CLVS1: variants seen among roughly 807,000 people sequenced by gnomAD.
The protein encoded by CLVS1 is clavesin-1.
CLVS1 carries 10 observed loss-of-function variants against 33.1 expected under a neutral mutation model. The ratio of observed to expected loss-of-function variants is 0.30; its 90% CI spans 0.19 to 0.51. CLVS1 has a LOEUF of 0.51. Ranked by LOEUF, CLVS1 falls within the 20% of genes least tolerant of loss-of-function variation. CLVS1 has a pLI of 0.97. For missense variants in CLVS1, 343 were observed against 433.4 expected (o/e 0.79, Z 1.85); for synonymous variants, 163 against 166.1 (o/e 0.98, Z 0.14).
At chr8:61,381,975 G>A (rs775542213) in intron 3 of CLVS1, among the ~76,000 whole-genome samples, 9 of 152,114 alleles carry the variant, frequency 5.9e-5, no homozygotes, top group Non-Finnish European at 1.2e-4. Flanking sequence ...TTGCTGGGTT[G>A]AATGGTAATT....
At chr8:61,485,693 T>C (rs1242283993) in intron 5 of CLVS1, among the ~76,000 whole-genome samples, 2 of 152,142 alleles carry the variant, frequency 1.3e-5, no homozygotes, top group Non-Finnish European at 2.9e-5. Context: ...TTAGAACCAA[T>C]CCAAATGTCC....
chr8:61,493,532 G>A (rs1459134120), intron 5 of CLVS1, among the ~76,000 whole-genome samples: 4 of 152,122 alleles, frequency 2.6e-5, no homozygotes, highest in Non-Finnish European at 4.4e-5. Flanking sequence ...TGAGGAGGCC[G>A]AATTCACCCA....
chr8:61,021,524 T>C, the CLVS1 span, among the ~76,000 whole-genome samples: 2 of 151,708 alleles, frequency 1.3e-5, no homozygotes, highest in African/African-American at 4.8e-5. Flanking sequence ...CTAATTTTTT[T>C]TTTTTTTTTG....
At chr8:61,256,625 C>A (rs1396797056) in intron 2 of CLVS1, among the ~76,000 whole-genome samples, 1 of 148,750 alleles carries the variant, frequency 6.7e-6, no homozygotes, top group Admixed American at 6.7e-5. Context: ...TAAAAACTAA[C>A]CTACTCTTTA....
At chr8:61,033,047 A>AGG in the CLVS1 span, among the ~76,000 whole-genome samples, 212 of 77,850 alleles carry the variant, frequency 2.7e-3, 3 homozygotes, top group African/African-American at 9.0e-3. Context: ...GAAAGAAAGA[A>AGG]AAAGAAAGAA....
intron 2 of CLVS1, among the ~76,000 whole-genome samples, chr8:61,226,138 A>T (rs1032037752): frequency 4.6e-5 from 7 of 152,246 alleles, no homozygotes; most frequent in Admixed American, 2.6e-4. Context: ...TACAGTGAAC[A>T]TAATCATTGT....
chr8:61,391,646 G>A (rs1467812276), intron 3 of CLVS1, among the ~76,000 whole-genome samples: 2 of 152,224 alleles, frequency 1.3e-5, no homozygotes, highest in East Asian at 3.8e-4. Flanking sequence ...CAGCTCAACT[G>A]AAATGTCATT....
At chr8:61,062,189 G>T (rs541974236) in intron 1 of CLVS1, among the ~76,000 whole-genome samples, 1 of 152,170 alleles carries the variant, frequency 6.6e-6, no homozygotes, top group African/African-American at 2.4e-5. Flanking sequence ...TAATGTGACT[G>T]CATGAAAATC....
chr8:61,082,470 C>T (rs776950303), intron 1 of CLVS1, among the ~76,000 whole-genome samples: 3 of 151,200 alleles, frequency 2.0e-5, no homozygotes, highest in Non-Finnish European at 4.4e-5. Flanking sequence ...AGGAAAAATA[C>T]CAAAACAAAG....
rs934317174 is a variant in CLVS1 at position 61,389,585 on chromosome 8, C to T, written c.630+12806C>T. 5.9e-5 allele frequency among the ~76,000 whole-genome samples: 9 copies of T among 151,872 alleles called. No individual in the cohort carries two copies. In the South Asian group the frequency reaches 8.3e-4, roughly 14 times the overall value. ...ACAGCTGACAGCCAGGGAAGAAACA[C>T]GAATAACATAAAATTTTGCAACTGA... On this transcript the variant is annotated intron_variant, in intron 3 of 5. Transcript: ENST00000325897.
At chr8:61,203,687 C>T (rs1807785426) in intron 2 of CLVS1, among the ~76,000 whole-genome samples, 1 of 152,182 alleles carries the variant, frequency 6.6e-6, no homozygotes, top group Admixed American at 6.5e-5. Context: ...GTCAAGCTCA[C>T]ATGGAACTGT....
At chr8:61,137,125 G>A (rs912925076) in intron 2 of CLVS1, among the ~76,000 whole-genome samples, 24 of 152,184 alleles carry the variant, frequency 1.6e-4, no homozygotes, top group African/African-American at 5.5e-4. Flanking sequence ...GCTATGCAGC[G>A]TGCTGCATAA....
chr8:61,185,143 G>GCTTTTTTT (rs376138569), intron 2 of CLVS1, among the ~76,000 whole-genome samples: 2 of 143,762 alleles, frequency 1.4e-5, no homozygotes, highest in African/African-American at 2.8e-5. Context: ...AGAGAGTATA[G>GCTTTTTTT]TTTTTGTTTT....
chr8:61,313,601 C>G (rs1288217776), intron 2 of CLVS1, among the ~76,000 whole-genome samples: 1 of 152,168 alleles, frequency 6.6e-6, no homozygotes, highest in African/African-American at 2.4e-5. Flanking sequence ...TTCCTGGAAG[C>G]TCCTGGAGAC....
intron 3 of CLVS1, among the ~76,000 whole-genome samples, chr8:61,446,878 A>C (rs1051765982): frequency 6.7e-6 from 1 of 148,632 alleles, no homozygotes; most frequent in East Asian, 2.0e-4. Context: ...TGTGTTGTGT[A>C]GTTTCCAAGT....
At chr8:61,277,833 C>A (rs1809591386) in intron 2 of CLVS1, among the ~76,000 whole-genome samples, 1 of 152,016 alleles carries the variant, frequency 6.6e-6, no homozygotes, top group African/African-American at 2.4e-5. Flanking sequence ...TGAATTCCAG[C>A]TTATATATCA....
chr8:61,062,967 C>T (rs564398506), intron 1 of CLVS1, among the ~76,000 whole-genome samples: 1 of 152,162 alleles, frequency 6.6e-6, no homozygotes, highest in African/African-American at 2.4e-5. Context: ...GTATCAGACT[C>T]TCTGCTAAAG....
intron 2 of CLVS1, among the ~76,000 whole-genome samples, chr8:61,198,374 A>G (rs1807659486): frequency 6.6e-6 from 1 of 152,110 alleles, no homozygotes; most frequent in African/African-American, 2.4e-5. Flanking sequence ...CATTGTACCC[A>G]ATAGATACTT....
At chr8:61,237,252 G>A (rs1808585841) in intron 2 of CLVS1, among the ~76,000 whole-genome samples, 1 of 152,096 alleles carries the variant, frequency 6.6e-6, no homozygotes, top group Non-Finnish European at 1.5e-5. Flanking sequence ...TTTCAAGAAG[G>A]TTGTTGGTAG....
Sources: gnomAD v4.1 joint callset for allele counts (sites outside exome capture counted in the v4.1 genomes callset) on GRCh38, gnomAD v4.1.1 for gene constraint, MANE v1.5 for transcripts, NCBI Gene and HGNC (gene_info 2026-07-23, HGNC 2026-07-21) for gene names.